The following DMD variants were observed in gnomAD, a reference collection of about 807,000 sequenced individuals.
DMD encodes mutant dystrophin.
Under a neutral mutation model 330.1 loss-of-function variants are expected in DMD, and 63 were observed. The observed-to-expected ratio is 0.19, with a 90% CI of 0.16 to 0.24. DMD has a LOEUF of 0.24. Ranked by LOEUF, DMD falls within the 10% of genes least tolerant of loss-of-function variation. The pLI is 1.00. For missense variants in DMD, 3,344 were observed against 2,684.1 expected (o/e 1.25, Z -5.43); for synonymous variants, 1,223 against 959.8 (o/e 1.27, Z -5.07).
At chrX:33,060,456 G>A (rs1489187720) in intron 1 of DMD, among the ~76,000 whole-genome samples, 3 of 111,251 alleles carry the variant, frequency 2.7e-5, no homozygotes, top group Non-Finnish European at 5.6e-5. Flanking sequence ...AATTTTGGCC[G>A]AGCAAATAAT....
At chrX:32,905,779 G>A (rs1057079903) in intron 2 of DMD, among the ~76,000 whole-genome samples, 4 of 110,781 alleles carry the variant, frequency 3.6e-5, no homozygotes, top group African/African-American at 1.3e-4. Flanking sequence ...CTTTATTATG[G>A]TGGGTTGACC....
intron 62 of DMD, among the ~76,000 whole-genome samples, chrX:31,293,896 C>T (rs1178463377): frequency 8.9e-6 from 1 of 111,745 alleles, no homozygotes; most frequent in Non-Finnish European, 1.9e-5. Context: ...TGGCTCACGC[C>T]TGTAATCCCA....
At chrX:31,422,198 C>T (rs1008476163) in intron 60 of DMD, among the ~76,000 whole-genome samples, 32 of 108,181 alleles carry the variant, frequency 3.0e-4, no homozygotes, top group Non-Finnish European at 1.3e-4. Flanking sequence ...TTAGTAGAGA[C>T]GGGGTTTCAC....
intron 9 of DMD, among the ~76,000 whole-genome samples, chrX:32,682,501 A>T (rs952737841): frequency 8.9e-6 from 1 of 111,905 alleles, no homozygotes; most frequent in Non-Finnish European, 1.9e-5. Context: ...ATTAGCGAGT[A>T]TTCAAATATC....
intron 7 of DMD, among the ~76,000 whole-genome samples, chrX:32,787,413 G>A (rs1187067921): frequency 9.0e-6 from 1 of 110,502 alleles, no homozygotes; most frequent in Non-Finnish European, 1.9e-5. Context: ...CCTCAGACCA[G>A]AAAACCAGAA....
At chrX:32,719,881 C>G (rs1449933416) in intron 7 of DMD, among the ~76,000 whole-genome samples, 1 of 110,084 alleles carries the variant, frequency 9.1e-6, no homozygotes, top group Non-Finnish European at 1.9e-5. Context: ...CAGATAGACT[C>G]TATCATATAA....
intron 66 of DMD, among the ~76,000 whole-genome samples, chrX:31,204,645 C>T (rs995333091): frequency 9.0e-6 from 1 of 111,630 alleles, no homozygotes. Flanking sequence ...TTTTTTGAGA[C>T]GGAGTCTTGC....
rs2097958789 is a variant in DMD, at chrX:32,386,452, CTT to C, written c.4530_4531del (p.Leu1512GlufsTer2). 8.3e-7 allele frequency: 1 copy of C among 1,200,848 alleles called. No homozygotes were observed. Among genetic ancestry groups the C allele is most frequent in the African/African-American group, 1.8e-5 (1 of 56,898 alleles). ...CACTTCAGACTTCACTTCACTCAGA[CTT>C]TTATACAAGTTCTAAGTTTAAACAT... On this transcript the variant is annotated frameshift_variant, in exon 33 of 79. Coordinates refer to ENST00000357033, the MANE Select transcript of DMD (RefSeq NM_004006.3). LOFTEE classifies it high-confidence loss of function.
At chrX:31,771,578 A>G (rs1019079418) in intron 51 of DMD, among the ~76,000 whole-genome samples, 2 of 109,521 alleles carry the variant, frequency 1.8e-5, no homozygotes, top group African/African-American at 6.6e-5. Context: ...TCTCAGCTCA[A>G]TGGAACCTCT....
chrX:32,977,691 T>C, intron 2 of DMD, among the ~76,000 whole-genome samples: 1 of 110,014 alleles, frequency 9.1e-6, no homozygotes, highest in Non-Finnish European at 1.9e-5. Flanking sequence ...TATATATGTA[T>C]ATATGAGCAT....
At chrX:32,608,932 A>T (rs1284158250) in intron 12 of DMD, among the ~76,000 whole-genome samples, 2 of 111,076 alleles carry the variant, frequency 1.8e-5, no homozygotes, top group African/African-American at 3.3e-5. Flanking sequence ...GCTAAATATG[A>T]GAGTGAGTTT....
chrX:33,019,870 A>T (rs150743837), intron 2 of DMD, among the ~76,000 whole-genome samples: 116 of 111,180 alleles, frequency 1.0e-3, no homozygotes, highest in Non-Finnish European at 1.9e-3. Flanking sequence ...GCAGCTATAA[A>T]CTCTGAGGAC....
chrX:32,230,338 A>G (rs1342295554), intron 43 of DMD, among the ~76,000 whole-genome samples: 3 of 111,945 alleles, frequency 2.7e-5, no homozygotes, highest in South Asian at 3.7e-4. Context: ...TCTGCCTCCC[A>G]GGTTCACGCC....
chrX:32,500,286 C>G (rs2043922523), intron 19 of DMD, among the ~76,000 whole-genome samples: 1 of 111,572 alleles, frequency 9.0e-6, no homozygotes, highest in East Asian at 2.8e-4. Flanking sequence ...ATTTACTAAG[C>G]ACCTACTATG....
At position 32,872,583 on chromosome X, in the gene DMD, A is replaced by T. The variant is rs190649521; in HGVS notation, c.94-22763T>A. On this transcript the variant is annotated intron_variant, in intron 2 of 78. Coordinates refer to ENST00000357033, the MANE Select transcript of DMD (RefSeq NM_004006.3). The stretch of plus-strand genomic sequence containing the variant: ...GCTAAGGTAGAAATAAAGTCAACTG[A>T]AAAAGAATTTTAAGGCTAAGCTATA... 5.3e-5 allele frequency among the ~76,000 whole-genome samples: 6 copies of T among 112,607 alleles called. No homozygotes were observed. The East Asian group carries it at 1.7e-3, about 32-fold the overall frequency.
chrX:32,897,939 T>C (rs1015772462), intron 2 of DMD, among the ~76,000 whole-genome samples: 1 of 112,517 alleles, frequency 8.9e-6, no homozygotes, highest in East Asian at 2.8e-4. Flanking sequence ...CCTTGCTAAA[T>C]AGCATCACAA....
Position 32,705,668 on chromosome X carries a change from C to T in DMD, c.650-6375G>A, listed in dbSNP as rs767905264. On this transcript the variant is annotated intron_variant, in intron 7 of 78. Transcript: ENST00000357033. The stretch of plus-strand genomic sequence containing the variant: ...GTCTCAACTAAAAATATAAAAATTT[C>T]TCCACATCCTCTCCGGCACCTGTTG... Among the ~76,000 whole-genome samples, 161 of 111,792 alleles carry T rather than the reference C, an allele frequency of 1.4e-3. 2 individuals carry two copies. The highest frequency in any genetic ancestry group is 1.2e-3 in the Non-Finnish European group (63 of 53,170).
At chrX:31,217,402 C>T (rs1476130492) in intron 64 of DMD, among the ~76,000 whole-genome samples, 1 of 111,242 alleles carries the variant, frequency 9.0e-6, no homozygotes, top group Non-Finnish European at 1.9e-5. Context: ...ATTTGGCTTT[C>T]TGCAATACGG....
intron 44 of DMD, among the ~76,000 whole-genome samples, chrX:32,211,093 C>CT (rs200414262): frequency 0.13 from 14,358 of 111,182 alleles, 909 homozygotes; most frequent in Non-Finnish European, 0.18. Flanking sequence ...TTTTTGTACT[C>CT]TTTTTTTGCC....
Sources: allele counts gnomAD v4.1 joint callset (sites outside exome capture counted in the v4.1 genomes callset), GRCh38; gene constraint gnomAD v4.1.1; transcripts MANE v1.5; gene names NCBI Gene and HGNC (gene_info 2026-07-23, HGNC 2026-07-21).